TECPR2: variants seen among roughly 807,000 people sequenced by gnomAD.
The protein encoded by TECPR2 is tectonin beta-propeller repeat-containing protein 2.
A neutral mutation model predicts 138.1 loss-of-function variants in TECPR2; 65 were observed. The observed-to-expected ratio is 0.47, with a 90% CI of 0.39 to 0.58. The LOEUF is 0.58. Ranked by LOEUF, TECPR2 falls within the 20% of genes least tolerant of loss-of-function variation. The pLI is 0.00. For synonymous variants in TECPR2, 746 were observed against 749.8 expected (o/e 0.99, Z 0.08); for missense variants, 1,553 against 1,824.5 (o/e 0.85, Z 2.71).
At chr14:102,402,689 A>T (rs1888525249) in intron 2 of TECPR2, among the ~76,000 whole-genome samples, 1 of 152,162 alleles carries the variant, frequency 6.6e-6, no homozygotes, top group Non-Finnish European at 1.5e-5. Flanking sequence ...CAAATGATTA[A>T]AACCAGAAAC....
In TECPR2 at chr14:102,445,750, A is replaced by G. The variant is rs1889957716; in HGVS notation, c.2934-56A>G. 7 of 1,571,252 alleles carry G rather than the reference A, an allele frequency of 4.5e-6. No homozygotes were observed. In the South Asian group the frequency reaches 5.8e-5, roughly 13 times the overall value. On this transcript the variant is annotated intron_variant, in intron 12 of 19. Transcript: ENST00000359520. Reference sequence around the variant, plus strand: ...GACCCTGGATGTCCGCAGTCCAGACACACTGGGCACTCTGCCTATGGGTGC... The same window carrying G: ...GACCCTGGATGTCCGCAGTCCAGACGCACTGGGCACTCTGCCTATGGGTGC...
Position 102,443,887 on chromosome 14 carries a change from A to G in TECPR2, c.2933+60A>G, listed in dbSNP as rs1889901836. The G allele has an allele frequency of 4.2e-6, 6 of 1,426,108 alleles. No homozygotes were observed. In the East Asian group the frequency reaches 9.8e-5, roughly 23 times the overall value. The allele number at this position is 1,426,108 out of a possible 1,614,324, so 88.3% of individuals were successfully genotyped here. A position where few individuals can be genotyped will look rare whatever the true frequency, so the allele number is the denominator to read the frequency against. Reference sequence around the variant, plus strand: ...CTTGTCCTACCCTTCGTTCTTGTCCACTTGACACCACAAGGCACCATGAGG... The same window carrying G: ...CTTGTCCTACCCTTCGTTCTTGTCCGCTTGACACCACAAGGCACCATGAGG... On this transcript the variant is annotated intron_variant, in intron 12 of 19. Transcript: ENST00000359520. This position sits in a 1 kb window ranked among gnomAD's most constrained non-coding sequence, Gnocchi z 4.9.
chr14:102,481,232 G>A (rs1314656857), intron 17 of TECPR2, among the ~76,000 whole-genome samples: 2 of 151,472 alleles, frequency 1.3e-5, no homozygotes, highest in Non-Finnish European at 2.9e-5. Context: ...TCAAACTCCT[G>A]ATCTCAGGTG....
rs1224175237 is a variant in TECPR2, at chr14:102,501,052, C to T, written c.*2795C>T. On this transcript the variant is annotated 3_prime_UTR_variant, in exon 20 of 20. Transcript: ENST00000359520. The stretch of plus-strand genomic sequence containing the variant: ...ACGGGTGAGAACTGCTAAGTGATGA[C>T]AGGTGGAGCCCCAGCAGGGGCCACT... The T allele has an allele frequency of 6.6e-6, 1 of 152,288 alleles. No homozygotes were observed. Among genetic ancestry groups the T allele is most frequent in the Non-Finnish European group, 1.5e-5 (1 of 68,092 alleles). 9.4% of individuals were successfully genotyped at this position (152,288 alleles called of 1,614,324 possible).
In TECPR2 at chr14:102,434,455, G is replaced by A. The variant is rs768273816; in HGVS notation, c.1638G>A (p.Thr546=). The change falls in exon 9 of 20, where the codon ACG becomes ACA. Residue 546 remains threonine, a synonymous_variant. Coordinates refer to ENST00000359520, the MANE Select transcript of TECPR2 (RefSeq NM_014844.5). ...GVPQENTDPE[T]FNVLEVSGSM... is the part of the protein sequence containing the mutation. The stretch of plus-strand genomic sequence containing the variant: ...CACAGGAAAATACTGACCCCGAAAC[G>A]TTTAATGTCCTGGAGGTGTCAGGAT... 112 of 1,542,114 alleles carry A rather than the reference G, an allele frequency of 7.3e-5. No individual in the cohort carries two copies. Among genetic ancestry groups the A allele is most frequent in the Non-Finnish European group, 9.0e-5 (103 of 1,146,250 alleles).
chr14:102,465,909 G>C (rs1418953445), intron 17 of TECPR2, among the ~76,000 whole-genome samples: 1 of 152,156 alleles, frequency 6.6e-6, no homozygotes, highest in African/African-American at 2.4e-5. Context: ...ATAGATTTCT[G>C]TTGAAGTTTA....
chr14:102,400,132 G>C (rs112475474), intron 2 of TECPR2, among the ~76,000 whole-genome samples: 1 of 150,060 alleles, frequency 6.7e-6, no homozygotes, highest in Non-Finnish European at 1.5e-5. Context: ...TGCAACATCT[G>C]CCTCCCGGGT....
chr14:102,483,934 T>C (rs182348986), intron 17 of TECPR2, among the ~76,000 whole-genome samples: 9,019 of 117,564 alleles, frequency 0.077, 806 homozygotes, highest in African/African-American at 0.19. Flanking sequence ...GTAGCTGGGA[T>C]TATAGGCACC....
At chr14:102,497,788 G>A in intron 19 of TECPR2, 69 bp downstream of exon 19, 1 of 1,481,036 alleles carries the variant, frequency 6.8e-7, no homozygotes, top group Non-Finnish European at 9.0e-7. Flanking sequence ...CGATGTCGGG[G>A]GGCTCTCAAA....
At chr14:102,456,816 C>T (rs933562730) in intron 16 of TECPR2, among the ~76,000 whole-genome samples, 3 of 151,876 alleles carry the variant, frequency 2.0e-5, no homozygotes, top group African/African-American at 7.3e-5. Flanking sequence ...GTCTTGATCT[C>T]CTGACCTCGT....
chr14:102,470,593 CCACTG>C (rs960778298), intron 17 of TECPR2, among the ~76,000 whole-genome samples: 9 of 151,946 alleles, frequency 5.9e-5, no homozygotes, highest in Non-Finnish European at 1.2e-4. Flanking sequence ...CAGGCATGAG[CCACTG>C]CACCCAGCCT....
chr14:102,497,466 C>T (rs948138999), intron 18 of TECPR2, 104 bp from the exon 19 acceptor site: 2 of 1,375,472 alleles, frequency 1.5e-6, no homozygotes, highest in African/African-American at 1.5e-5. Context: ...TCCGTCCCCG[C>T]AGGGACCCTG....
At chr14:102,386,065 G>A (rs1412579006) in intron 2 of TECPR2, among the ~76,000 whole-genome samples, 3 of 152,028 alleles carry the variant, frequency 2.0e-5, no homozygotes, top group Non-Finnish European at 4.4e-5. Flanking sequence ...GTATTTTGCT[G>A]GGGCCAAAAT....
At chr14:102,376,346 A>G (rs1009885867) in intron 1 of TECPR2, among the ~76,000 whole-genome samples, 18 of 152,086 alleles carry the variant, frequency 1.2e-4, no homozygotes, top group African/African-American at 4.3e-4. Flanking sequence ...TCTTTTCACT[A>G]TTTCATCTGC....
At chr14:102,469,166 G>A (rs1051717265) in intron 17 of TECPR2, among the ~76,000 whole-genome samples, 1 of 152,144 alleles carries the variant, frequency 6.6e-6, no homozygotes, top group African/African-American at 2.4e-5. Context: ...AAGGAATTGT[G>A]TCGAATCAGT....
At chr14:102,465,365 G>A in intron 17 of TECPR2, 76 bp downstream of exon 17, 1 of 1,573,926 alleles carries the variant, frequency 6.4e-7, no homozygotes, top group East Asian at 2.3e-5. Flanking sequence ...TGGGAAAAAG[G>A]ATCTGCACAG....
At chr14:102,385,266 G>A (rs1045213252) in intron 2 of TECPR2, among the ~76,000 whole-genome samples, 3 of 152,110 alleles carry the variant, frequency 2.0e-5, no homozygotes, top group Admixed American at 6.6e-5. Context: ...AGTCCTTGGA[G>A]AGTGAGCACT....
Position 102,449,796 on chromosome 14 carries a change from C to G in TECPR2, c.3243C>G (p.Leu1081=). The change falls in exon 14 of 20, where the codon CTC becomes CTG. Residue 1081 remains leucine, a synonymous_variant. Coordinates refer to ENST00000359520, the MANE Select transcript of TECPR2 (RefSeq NM_014844.5). Reference sequence around the variant, plus strand: ...AGCTTCAGTGCCAGCCAAGCCTTCTCGGGGTCAATAACAGCGGTGTCTGGA... The same window carrying G: ...AGCTTCAGTGCCAGCCAAGCCTTCTGGGGGTCAATAACAGCGGTGTCTGGA... The part of the protein sequence containing the change: ...SQQLQCQPSL[L]GVNNSGVWIS... 6.2e-7 allele frequency: 1 copy of G among 1,614,110 alleles called. No individual in the cohort carries two copies.
In TECPR2 at chr14:102,408,580, C is replaced by G; in HGVS notation, c.441C>G (p.Asp147Glu). The part of the protein sequence containing the change: ...PNGMKLFSGD[D>E]KGKIVYSSLD... ...GAATGAAATTGTTCTCTGGAGATGA[C>G]AAAGGCAAAATTGTTTATTCTTCTC... The change falls in exon 4 of 20, where the codon GAC (aspartate) becomes GAG (glutamate). Residue 147 changes from aspartate to glutamate, a missense_variant. Coordinates refer to ENST00000359520, the MANE Select transcript of TECPR2 (RefSeq NM_014844.5). The G allele has an allele frequency of 6.2e-7, 1 of 1,613,342 alleles. No individual in the cohort carries two copies. Among genetic ancestry groups the G allele is most frequent in the African/African-American group, 1.3e-5 (1 of 74,994 alleles).
Sources: gnomAD v4.1 joint callset for allele counts (sites outside exome capture counted in the v4.1 genomes callset) on GRCh38, gnomAD v4.1.1 for gene constraint, Gnocchi (gnomAD v3.1) non-coding constraint, MANE v1.5 for transcripts, NCBI Gene and HGNC (gene_info 2026-07-23, HGNC 2026-07-21) for gene names.